Variants in CCR9 observed in about 807,000 individuals in gnomAD.
The protein encoded by CCR9 is C-C chemokine receptor type 9.
In CCR9, 4 loss-of-function variants were observed where a neutral mutation model predicts 8.7. The observed-to-expected ratio is 0.46, with a 90% CI of 0.23 to 1.06. CCR9 has a LOEUF of 1.06. Ranked by LOEUF, CCR9 falls within the 50% of genes least tolerant of loss-of-function variation. CCR9 has a pLI of 0.21. For missense variants in CCR9, 394 were observed against 453.6 expected, an observed-to-expected ratio of 0.87 and a Z score of 1.19; for synonymous variants, 159 against 168.8, an observed-to-expected ratio of 0.94 and a Z score of 0.45.
rs562893191 is a variant in CCR9, at chr3:45,900,259, GTGTGTA to G, written c.22-540_22-535del. ...TGTATGTAGGGTTGAGAGTGTCTGT[GTGTGTA>G]TGTGTATGTGCATGTGTATGTGGGT... is the stretch of plus-strand genomic sequence containing the variant. On this transcript the variant is annotated intron_variant, in intron 2 of 2. Transcript: ENST00000357632. The surrounding 1 kb of genome is among the most constrained non-coding windows in gnomAD (Gnocchi z 4.7). Among the ~76,000 whole-genome samples, 1 of 152,182 alleles carries G rather than the reference GTGTGTA, an allele frequency of 6.6e-6. No individual in the cohort carries two copies. Among genetic ancestry groups the G allele is most frequent in the Non-Finnish European group, 1.5e-5 (1 of 68,014 alleles).
At position 45,900,027 on chromosome 3, in the gene CCR9, A is replaced by T. The variant is rs1203989889; in HGVS notation, c.22-783A>T. On this transcript the variant is annotated intron_variant, in intron 2 of 2. Transcript: ENST00000357632. The surrounding 1 kb of genome is among the most constrained non-coding windows in gnomAD (Gnocchi z 4.7). ...CATGTTTGTGTACGAGAGCATGTGCAAGTGCATGTATTATGTGTATGCATG... is the reference window on the plus strand; with the variant it reads ...CATGTTTGTGTACGAGAGCATGTGCTAGTGCATGTATTATGTGTATGCATG... Among the ~76,000 whole-genome samples, 1 of 152,190 alleles carries T rather than the reference A, an allele frequency of 6.6e-6. No individual in the cohort carries two copies. The highest frequency in any genetic ancestry group is 2.4e-5 in the African/African-American group (1 of 41,446).
In CCR9 at chr3:45,900,711, G is replaced by A; in HGVS notation, c.22-99G>A. ...ATGTGTCTTTGGCCTTATCATAGGT[G>A]TTTGGGGTTGGAAGGGTCAAGAGGT... On this transcript the variant is annotated intron_variant, in intron 2 of 2. Coordinates refer to ENST00000357632, the MANE Select transcript of CCR9 (RefSeq NM_031200.3). This position sits in a 1 kb window ranked among gnomAD's most constrained non-coding sequence, Gnocchi z 4.7. The A allele has an allele frequency of 1.6e-6, 2 of 1,228,414 alleles. No individual in the cohort carries two copies. The highest frequency in any genetic ancestry group is 4.4e-5 in the Admixed American group (2 of 45,670). 76.1% of individuals were successfully genotyped at this position (1,228,414 alleles called of 1,614,324 possible).
rs1012610744 is a variant in CCR9, at chr3:45,900,408, G to A, written c.22-402G>A. ...AAAACTGAATAGATAGGAGAAGTACGATCACAGTCATATCACAGTTTGATA... is the reference window on the plus strand; with the variant it reads ...AAAACTGAATAGATAGGAGAAGTACAATCACAGTCATATCACAGTTTGATA... On this transcript the variant is annotated intron_variant, in intron 2 of 2. Transcript: ENST00000357632. The surrounding 1 kb of genome is among the most constrained non-coding windows in gnomAD (Gnocchi z 4.7). 3.3e-5 allele frequency among the ~76,000 whole-genome samples: 5 copies of A among 152,240 alleles called. No homozygotes were observed. The highest frequency in any genetic ancestry group is 1.9e-4 in the East Asian group (1 of 5,188).
chr3:45,895,318 T>C (rs1702317819), intron 2 of CCR9, among the ~76,000 whole-genome samples: 1 of 152,248 alleles, frequency 6.6e-6, no homozygotes, highest in Non-Finnish European at 1.5e-5. Context: ...AAACCCATGG[T>C]GGGCACATTA....
intron 2 of CCR9, among the ~76,000 whole-genome samples, chr3:45,896,428 C>T (rs564363104): frequency 3.9e-5 from 6 of 152,316 alleles, no homozygotes; most frequent in Admixed American, 6.5e-5. Context: ...GGAAAGTAGC[C>T]GTGGCACCCT....
rs1367419000 is a variant in CCR9 at position 45,901,987 on chromosome 3, G to T, written c.*89G>T. ...ACTGATGGGACCAGAGAGAGTGAAA[G>T]AGAAAAGAAAACTCAGAAAGGGATG... On this transcript the variant is annotated 3_prime_UTR_variant, in exon 3 of 3. Transcript: ENST00000357632. The surrounding 1 kb of genome is among the most constrained non-coding windows in gnomAD (Gnocchi z 4.3). 2.6e-6 allele frequency: 3 copies of T among 1,137,002 alleles called. No homozygotes were observed. The highest frequency in any genetic ancestry group is 3.7e-6 in the Non-Finnish European group (3 of 802,272). 70.4% of individuals were successfully genotyped at this position (1,137,002 alleles called of 1,614,324 possible). A position where few individuals can be genotyped will look rare whatever the true frequency, so the allele number is the denominator to read the frequency against.
rs1227184768 is a variant in CCR9 at position 45,901,273 on chromosome 3, T to C, written c.485T>C (p.Leu162Pro). The C allele has an allele frequency of 2.5e-6, 4 of 1,614,102 alleles. No individual in the cohort carries two copies. The highest frequency in any genetic ancestry group is 3.4e-6 in the Non-Finnish European group (4 of 1,180,044). Residue 162 changes from leucine (L) to proline (P), a missense_variant, in exon 3 of 3, where the codon CTT (leucine) becomes CCT (proline). Transcript: ENST00000357632. The surrounding 1 kb of genome is among the most constrained non-coding windows in gnomAD (Gnocchi z 4.3). ...GCACATACTTGGAGGGAGAAAAGGC[T>C]TTTGTACAGCAAAATGGTTTGCTTT... Reference protein sequence around the residue: ...MRAHTWREKRLLYSKMVCFTI... With the variant: ...MRAHTWREKRPLYSKMVCFTI...
chr3:45,886,182 G>C (rs555881296), upstream of CCR9, among the ~76,000 whole-genome samples: 20 of 152,272 alleles, frequency 1.3e-4, no homozygotes, highest in African/African-American at 3.9e-4. Flanking sequence ...ATCTGATACA[G>C]GCCTGCTCAG....
intron 2 of CCR9, among the ~76,000 whole-genome samples, chr3:45,899,167 AAAAC>A (rs1297600634): frequency 6.6e-6 from 1 of 152,254 alleles, no homozygotes; most frequent in Non-Finnish European, 1.5e-5. Flanking sequence ...ACTCCGTCTC[AAAAC>A]AAACAAACAA....
chr3:45,895,164 G>A (rs1702313126), intron 2 of CCR9: 4 of 597,780 alleles, frequency 6.7e-6, no homozygotes, highest in Middle Eastern at 4.1e-4. Context: ...TTTGGGGTAT[G>A]TTGTGGAGAC....
rs1017569264 is a variant in CCR9 at position 45,896,678 on chromosome 3, G to T, written c.21+1724G>T. On this transcript the variant is annotated intron_variant, in intron 2 of 2. Coordinates refer to ENST00000357632, the MANE Select transcript of CCR9 (RefSeq NM_031200.3). ...TGAATGTCAAAGCACTGAAATCCAG[G>T]TCTCAATGTTGGGATTTAATACTTT... Among the ~76,000 whole-genome samples the T allele has an allele frequency of 3.9e-5, 6 of 152,222 alleles. No individual in the cohort carries two copies. In the East Asian group the frequency reaches 1.2e-3, roughly 29 times the overall value.
At chr3:45,890,337 C>CATATATATATATTTATATAA (rs1237727908) in intron 1 of CCR9, among the ~76,000 whole-genome samples, 16 of 63,130 alleles carry the variant, frequency 2.5e-4, no homozygotes, top group East Asian at 3.5e-4. Context: ...ATATATATAA[C>CATATATATATATTTATATAA]ATATATATAT....
chr3:45,892,264 T>C (rs550199708), intron 1 of CCR9, among the ~76,000 whole-genome samples: 7 of 152,360 alleles, frequency 4.6e-5, no homozygotes, highest in African/African-American at 1.4e-4. Flanking sequence ...TGAACATGTA[T>C]GTTCATTCCA....
chr3:45,895,710 T>C (rs1022483256), intron 2 of CCR9, among the ~76,000 whole-genome samples: 1 of 149,278 alleles, frequency 6.7e-6, no homozygotes, highest in African/African-American at 2.5e-5. Context: ...CGAGACTCTG[T>C]CTTAAAAAAA....
rs1702573694 is a variant in CCR9, at chr3:45,901,916, G to A, written c.*18G>A. 2 of 1,536,898 alleles carry A rather than the reference G, an allele frequency of 1.3e-6. No individual in the cohort carries two copies. Among genetic ancestry groups the A allele is most frequent in the Non-Finnish European group, 1.8e-6 (2 of 1,140,422 alleles). The stretch of plus-strand genomic sequence containing the variant: ...CCCTCTGAGGGGTCTTCTCTGAGGT[G>A]CATGGTTCTTTTGGAAGAAATGAGA... On this transcript the variant is annotated 3_prime_UTR_variant, in exon 3 of 3. Transcript: ENST00000357632. This position sits in a 1 kb window ranked among gnomAD's most constrained non-coding sequence, Gnocchi z 4.3.
intron 1 of CCR9, among the ~76,000 whole-genome samples, chr3:45,892,985 A>C (rs568280898): frequency 6.6e-6 from 1 of 152,296 alleles, no homozygotes; most frequent in South Asian, 2.1e-4. Context: ...TTGAGGTCCA[A>C]TTATAATAAA....
chr3:45,897,991 A>AC (rs938199587), intron 2 of CCR9, among the ~76,000 whole-genome samples: 23 of 151,698 alleles, frequency 1.5e-4, no homozygotes, highest in Non-Finnish European at 2.8e-4. Context: ...AAAAAAAAAA[A>AC]AACACACAAA....
chr3:45,891,086 G>A (rs540187417), intron 1 of CCR9, among the ~76,000 whole-genome samples: 5 of 152,316 alleles, frequency 3.3e-5, no homozygotes, highest in South Asian at 4.1e-4. Flanking sequence ...CTGCAAACAC[G>A]TGTGTTACTT....
chr3:45,891,187 C>T (rs1399255668), intron 1 of CCR9, among the ~76,000 whole-genome samples: 3 of 152,222 alleles, frequency 2.0e-5, no homozygotes, highest in African/African-American at 4.8e-5. Context: ...GCCCAGGTGG[C>T]TGGGTAAGGT....
Sources: gnomAD v4.1 joint callset for allele counts (sites outside exome capture counted in the v4.1 genomes callset) on GRCh38, gnomAD v4.1.1 for gene constraint, Gnocchi (gnomAD v3.1) non-coding constraint, MANE v1.5 for transcripts, NCBI Gene and HGNC (gene_info 2026-07-23, HGNC 2026-07-21) for gene names.